Variants in MAGI2 observed in about 807,000 individuals in gnomAD.
The protein encoded by MAGI2 is membrane associated guanylate kinase, WW and PDZ domain containing 2.
In MAGI2, 35 loss-of-function variants were observed where a neutral mutation model predicts 133.3. The ratio of observed to expected loss-of-function variants is 0.26; its 90% CI spans 0.20 to 0.35. The LOEUF (loss-of-function observed/expected upper bound fraction) is 0.35. Among genes scored for constraint, MAGI2 ranks in the 10% least tolerant of loss-of-function variants. The pLI is 1.00. For synonymous variants in MAGI2, 729 were observed against 710.6 expected, an observed-to-expected ratio of 1.03 and a Z score of -0.41; for missense variants, 1,636 against 1,863.4, an observed-to-expected ratio of 0.88 and a Z score of 2.25.
intron 1 of MAGI2, among the ~76,000 whole-genome samples, chr7:79,336,917 C>A (rs1840477842): frequency 1.3e-5 from 2 of 151,570 alleles, no homozygotes; most frequent in Non-Finnish European, 2.9e-5. Flanking sequence ...AGAGATCTAA[C>A]ACACAACATG....
chr7:78,343,098 A>T (rs959289241), intron 9 of MAGI2, among the ~76,000 whole-genome samples: 2 of 152,242 alleles, frequency 1.3e-5, no homozygotes, highest in African/African-American at 2.4e-5. Flanking sequence ...GCCAGGCAAG[A>T]AAATTTAAAA....
chr7:78,135,330 A>C, intron 16 of MAGI2, 124 bp from the exon 17 acceptor site: 1 of 782,304 alleles, frequency 1.3e-6, no homozygotes, highest in South Asian at 1.8e-5. Flanking sequence ...TTGCCTTTTG[A>C]AATCACACTA....
chr7:78,094,941 C>A (rs1264916463), intron 20 of MAGI2, among the ~76,000 whole-genome samples: 1 of 152,180 alleles, frequency 6.6e-6, no homozygotes, highest in East Asian at 1.9e-4. Context: ...CCCTCTGCAG[C>A]CGCCCTCTCT....
chr7:78,876,586 G>A (rs888852017), intron 2 of MAGI2, among the ~76,000 whole-genome samples: 4 of 152,024 alleles, frequency 2.6e-5, no homozygotes, highest in African/African-American at 9.7e-5. Context: ...AGGAGGGAGG[G>A]AAGGAGGAAT....
chr7:79,074,041 C>G (rs1815234658), intron 1 of MAGI2, among the ~76,000 whole-genome samples: 1 of 152,124 alleles, frequency 6.6e-6, no homozygotes, highest in Admixed American at 6.6e-5. Context: ...AATACCCAGA[C>G]AGAGAATTTC....
At chr7:78,501,819 C>T in intron 4 of MAGI2, 32 bp from the exon 5 acceptor site, 1 of 1,544,358 alleles carries the variant, frequency 6.5e-7, no homozygotes, top group Non-Finnish European at 8.9e-7. Context: ...TGGTTAGTCA[C>T]TCCAACCATG....
chr7:79,036,203 T>C (rs1374886855), intron 1 of MAGI2, among the ~76,000 whole-genome samples: 1 of 152,310 alleles, frequency 6.6e-6, no homozygotes, highest in Admixed American at 6.5e-5. Flanking sequence ...ACGGATAGCA[T>C]CTCATTTCAT....
chr7:78,987,373 G>A (rs1389419090), intron 2 of MAGI2, among the ~76,000 whole-genome samples: 1 of 152,048 alleles, frequency 6.6e-6, no homozygotes, highest in African/African-American at 2.4e-5. Flanking sequence ...GCCAAAATAT[G>A]ACAACTTAAT....
intron 2 of MAGI2, among the ~76,000 whole-genome samples, chr7:78,701,632 T>G (rs1818084451): frequency 6.6e-6 from 1 of 151,934 alleles, no homozygotes; most frequent in East Asian, 1.9e-4. Context: ...TCACCCTGCC[T>G]TTTTCCTTTT....
intron 1 of MAGI2, among the ~76,000 whole-genome samples, chr7:79,149,562 G>A (rs192495510): frequency 6.6e-6 from 1 of 152,178 alleles, no homozygotes; most frequent in East Asian, 1.9e-4. Flanking sequence ...CAAAGACTGA[G>A]CATTGAAGGA....
chr7:78,988,024 C>T (rs1805430243), intron 2 of MAGI2, among the ~76,000 whole-genome samples: 2 of 151,914 alleles, frequency 1.3e-5, no homozygotes, highest in Non-Finnish European at 2.9e-5. Context: ...AATGAGCGTC[C>T]AAATATTAAT....
intron 4 of MAGI2, among the ~76,000 whole-genome samples, chr7:78,514,527 G>A (rs911626439): frequency 6.6e-6 from 1 of 152,064 alleles, no homozygotes; most frequent in East Asian, 1.9e-4. Context: ...CCAGTACTCT[G>A]GGAACAAGAT....
intron 1 of MAGI2, among the ~76,000 whole-genome samples, chr7:79,071,023 C>T (rs1814908852): frequency 6.6e-6 from 1 of 152,094 alleles, no homozygotes; most frequent in Admixed American, 6.5e-5. Context: ...GGAGAAGAGG[C>T]GTTCTGGTTT....
At chr7:78,552,784 A>G (rs1487434709) in intron 3 of MAGI2, among the ~76,000 whole-genome samples, 2 of 152,174 alleles carry the variant, frequency 1.3e-5, no homozygotes, top group Non-Finnish European at 2.9e-5. Flanking sequence ...ACATGAAGCC[A>G]GTTTCTAAGG....
At chr7:78,133,660 C>G (rs2150533028) in intron 17 of MAGI2, among the ~76,000 whole-genome samples, 1 of 152,262 alleles carries the variant, frequency 6.6e-6, no homozygotes, top group South Asian at 2.1e-4. Context: ...ATCAAATTTT[C>G]AACTGAAATT....
intron 2 of MAGI2, among the ~76,000 whole-genome samples, chr7:78,728,570 T>G (rs1821057119): frequency 3.7e-5 from 1 of 27,062 alleles, no homozygotes; most frequent in East Asian, 2.6e-3. Flanking sequence ...TTTTTTTTTT[T>G]TTTTTTTTTT....
At chr7:79,132,966 T>C (rs140468306) in intron 1 of MAGI2, among the ~76,000 whole-genome samples, 8 of 152,294 alleles carry the variant, frequency 5.3e-5, no homozygotes, top group African/African-American at 1.9e-4. Flanking sequence ...GAAATGTTCA[T>C]TCATGTCCGT....
At chr7:79,110,594 G>A (rs947386113) in intron 1 of MAGI2, among the ~76,000 whole-genome samples, 1 of 152,188 alleles carries the variant, frequency 6.6e-6, no homozygotes, top group South Asian at 2.1e-4. Context: ...ATAGGTGAAA[G>A]GAACTCATTT....
chr7:78,109,503 G>C (rs1819137009), intron 20 of MAGI2, among the ~76,000 whole-genome samples: 1 of 151,730 alleles, frequency 6.6e-6, no homozygotes, highest in African/African-American at 2.4e-5. Flanking sequence ...GTGGTGGCAC[G>C]TGCCTGTAGT....
Sources: gnomAD v4.1 joint callset for allele counts (sites outside exome capture counted in the v4.1 genomes callset) on GRCh38, gnomAD v4.1.1 for gene constraint, MANE v1.5 for transcripts, NCBI Gene and HGNC (gene_info 2026-07-23, HGNC 2026-07-21) for gene names.